The following SCARB2 variants were observed in gnomAD, a reference collection of about 807,000 sequenced individuals.
The protein encoded by SCARB2 is scavenger receptor class B member 2.
In SCARB2, 29 loss-of-function variants were observed where a neutral mutation model predicts 58.6. The ratio of observed to expected loss-of-function variants is 0.49; its 90% CI spans 0.37 to 0.67. The LOEUF (loss-of-function observed/expected upper bound fraction) is 0.67. Among genes scored for constraint, SCARB2 ranks in the 30% least tolerant of loss-of-function variants. The pLI is 0.00. For synonymous variants in SCARB2, 195 were observed against 210.1 expected, an observed-to-expected ratio of 0.93 and a Z score of 0.62; for missense variants, 488 against 578.5, an observed-to-expected ratio of 0.84 and a Z score of 1.60.
At position 76,175,896 on chromosome 4, in the gene SCARB2, C is replaced by G. The variant is rs1191696705; in HGVS notation, c.719G>C (p.Trp240Ser). ...AATCATATTGCACTTGTCTGTTATC[C>G]ACCAGTCAAGTGACCTATAATTGAT... ...EWNGKTSLDW[W>S]ITDKCNMING... The change falls in exon 6 of 12, where the codon TGG becomes TCG. Residue 240 changes from tryptophan (W) to serine (S), a missense_variant. Coordinates refer to ENST00000264896, the MANE Select transcript of SCARB2 (RefSeq NM_005506.4). 6.2e-7 allele frequency: 1 copy of G among 1,613,598 alleles called. No individual in the cohort carries two copies. The highest frequency in any genetic ancestry group is 8.5e-7 in the Non-Finnish European group (1 of 1,179,960).
At chr4:76,195,617 T>C in intron 2 of SCARB2, 90 bp downstream of exon 2, 7 of 1,116,616 alleles carry the variant, frequency 6.3e-6, no homozygotes, top group Non-Finnish European at 9.6e-6. Context: ...CACACAGCCC[T>C]GGAGCCTTGC....
At chr4:76,218,302 C>G (rs1733249439), upstream of SCARB2, among the ~76,000 whole-genome samples, 1 of 152,256 alleles carries the variant, frequency 6.6e-6, no homozygotes, top group Non-Finnish European at 1.5e-5. Flanking sequence ...CTGAGCAATA[C>G]AGCCTCCATA....
At chr4:76,216,195 C>T (rs916444522), upstream of SCARB2, among the ~76,000 whole-genome samples, 1 of 152,202 alleles carries the variant, frequency 6.6e-6, no homozygotes, top group South Asian at 2.1e-4. Context: ...GCTACATTAA[C>T]TCTGCTCTGT....
At position 76,190,895 on chromosome 4, in the gene SCARB2, T is replaced by C. The variant is rs1732591283; in HGVS notation, c.275+4812A>G. Among the ~76,000 whole-genome samples the C allele has an allele frequency of 2.0e-5, 3 of 152,326 alleles. No individual in the cohort carries two copies. The South Asian group carries it at 6.2e-4, about 32-fold the overall frequency. ...ACATGTGGCTATTGCACATTCAAAA[T>C]GTGGCTAGTCTGAAATGAAATGTTC... On this transcript the variant is annotated intron_variant, in intron 2 of 11. Coordinates refer to ENST00000264896, the MANE Select transcript of SCARB2 (RefSeq NM_005506.4).
At position 76,168,060 on chromosome 4, in the gene SCARB2, G is replaced by C. The variant is rs185890711; in HGVS notation, c.1187+343C>G. Among the ~76,000 whole-genome samples the C allele has an allele frequency of 3.3e-5, 5 of 152,236 alleles. No individual in the cohort carries two copies. In the East Asian group the frequency reaches 9.7e-4, roughly 29 times the overall value. On this transcript the variant is annotated intron_variant, in intron 9 of 11. Coordinates refer to ENST00000264896, the MANE Select transcript of SCARB2 (RefSeq NM_005506.4). The stretch of plus-strand genomic sequence containing the variant: ...CATGAGGGAAAGGCTTAGTGGAGTG[G>C]ATAAAAGTTGACTAGATAGTAAGGC...
Position 76,166,254 on chromosome 4 carries a change from T to A in SCARB2, c.1235A>T (p.Asn412Ile). The change falls in exon 10 of 12, where the codon AAT (asparagine) becomes ATT (isoleucine). Residue 412 changes from asparagine (N) to isoleucine (I), a missense_variant. Transcript: ENST00000264896. ...TCCCTCCGTCTCAGGACTTACCTCA[T>A]TGAGGTACATCACTGGGAAAACCAT... ...RTMVFPVMYL[N>I]ESVHIDKETA... 2 of 1,613,844 alleles carry A rather than the reference T, an allele frequency of 1.2e-6. No homozygotes were observed. Among genetic ancestry groups the A allele is most frequent in the South Asian group, 2.2e-5 (2 of 91,076 alleles).
At chr4:76,205,666 T>C (rs1433916248) in intron 1 of SCARB2, among the ~76,000 whole-genome samples, 1 of 152,208 alleles carries the variant, frequency 6.6e-6, no homozygotes, top group African/African-American at 2.4e-5. Flanking sequence ...AAAATTCAGA[T>C]GCTGAAGGGG....
intron 1 of SCARB2, among the ~76,000 whole-genome samples, chr4:76,204,225 T>A (rs931415216): frequency 5.9e-5 from 9 of 152,208 alleles, no homozygotes; most frequent in African/African-American, 1.9e-4. Flanking sequence ...TGCAGTAATT[T>A]AAGTAATTTC....
At chr4:76,193,662 T>C (rs1732650015) in intron 2 of SCARB2, 1 of 152,210 alleles carries the variant, frequency 6.6e-6, no homozygotes, top group Non-Finnish European at 1.5e-5. Flanking sequence ...TTATGGCCAA[T>C]TTCTCCCTTC....
chr4:76,186,237 G>A (rs541972516), intron 2 of SCARB2, among the ~76,000 whole-genome samples: 12 of 152,304 alleles, frequency 7.9e-5, no homozygotes, highest in Admixed American at 7.8e-4. Flanking sequence ...GCTTCTGCAG[G>A]TGGGAGGGTG....
Position 76,220,876 on chromosome 4 carries a change from A to C in SCARB2, c.-358+13427T>G, listed in dbSNP as rs72858504. 3.9e-3 allele frequency among the ~76,000 whole-genome samples: 588 copies of C among 152,284 alleles called. 6 individuals are homozygous for C. The highest frequency in any genetic ancestry group is 0.014 in the African/African-American group (565 of 41,554). On this transcript the variant is annotated intron_variant, in intron 1 of 11. Transcript: ENST00000638295. ...TGTACAAGAATGCTTCCAGGTGCTCACCTGGGATCAGCTGGGACCACAGGG... is the reference window on the plus strand; with the variant it reads ...TGTACAAGAATGCTTCCAGGTGCTCCCCTGGGATCAGCTGGGACCACAGGG...
chr4:76,223,796 C>T (rs566603283), intron 1 of SCARB2, among the ~76,000 whole-genome samples: 1 of 152,314 alleles, frequency 6.6e-6, no homozygotes, highest in South Asian at 2.1e-4. Context: ...TATTTGGACT[C>T]TCCACTCTCC....
At chr4:76,186,015 C>A (rs963958233) in intron 2 of SCARB2, among the ~76,000 whole-genome samples, 5 of 152,198 alleles carry the variant, frequency 3.3e-5, no homozygotes, top group African/African-American at 1.2e-4. Context: ...GCTACTGATA[C>A]CATGTGCAAC....
rs75557929 is a variant in SCARB2 at position 76,185,607 on chromosome 4, T to C, written c.276-4506A>G. Among the ~76,000 whole-genome samples, 259 of 152,260 alleles carry C rather than the reference T, an allele frequency of 1.7e-3. 7 individuals are homozygous for C. The East Asian group carries it at 0.044, about 26-fold the overall frequency. On this transcript the variant is annotated intron_variant, in intron 2 of 11. Transcript: ENST00000264896. ...TAATTTTAGAAACAATAGACTGAGATAAGGAGTGGAAATCAAAAGGAATAA... is the reference window on the plus strand; with the variant it reads ...TAATTTTAGAAACAATAGACTGAGACAAGGAGTGGAAATCAAAAGGAATAA...
At chr4:76,177,229 A>T (rs1732268247) in intron 4 of SCARB2, 1 of 152,180 alleles carries the variant, frequency 6.6e-6, no homozygotes, top group South Asian at 2.1e-4. Flanking sequence ...AAAAGAAAAT[A>T]TACTAATGGC....
upstream of SCARB2, among the ~76,000 whole-genome samples, chr4:76,215,167 A>C (rs1342016258): frequency 6.6e-6 from 1 of 152,250 alleles, no homozygotes; most frequent in Non-Finnish European, 1.5e-5. Flanking sequence ...AGCAGAGCTC[A>C]GCAGTTGAGG....
intron 3 of SCARB2, 45 bp from the exon 4 acceptor site, chr4:76,179,750 C>T: frequency 7.2e-7 from 1 of 1,394,282 alleles, no homozygotes; most frequent in Non-Finnish European, 1.0e-6. Context: ...CCCTCCAAAG[C>T]ACCTCCATCC....
chr4:76,199,841 G>A (rs1178587899), intron 1 of SCARB2, among the ~76,000 whole-genome samples: 5 of 152,156 alleles, frequency 3.3e-5, no homozygotes, highest in Non-Finnish European at 5.9e-5. Flanking sequence ...CCAGGCAGCC[G>A]CGCAGCCCCA....
intron 1 of SCARB2, among the ~76,000 whole-genome samples, chr4:76,229,954 G>A (rs1733464802): frequency 6.6e-6 from 1 of 152,182 alleles, no homozygotes; most frequent in Admixed American, 6.5e-5. Flanking sequence ...TATGTCCTGA[G>A]GTGGATGATC....
Sources: gnomAD v4.1 joint callset for allele counts (sites outside exome capture counted in the v4.1 genomes callset) on GRCh38, gnomAD v4.1.1 for gene constraint, MANE v1.5 for transcripts, NCBI Gene and HGNC (gene_info 2026-07-23, HGNC 2026-07-21) for gene names.